MAP2K5: variants seen among roughly 807,000 people sequenced by gnomAD.
The protein encoded by MAP2K5 is mitogen-activated protein kinase kinase 5.
Under a neutral mutation model 83.1 loss-of-function variants are expected in MAP2K5, and 49 were observed. The observed-to-expected ratio is 0.59, with a 90% CI of 0.47 to 0.75. The LOEUF (loss-of-function observed/expected upper bound fraction) is 0.75. Among genes scored for constraint, MAP2K5 ranks in the 30% least tolerant of loss-of-function variants. The pLI is 0.00. For synonymous variants in MAP2K5, 202 were observed against 191.8 expected, an observed-to-expected ratio of 1.05 and a Z score of -0.44; for missense variants, 457 against 557.5, an observed-to-expected ratio of 0.82 and a Z score of 1.82.
chr15:67,608,537 G>C (rs1467823981), intron 8 of MAP2K5, among the ~76,000 whole-genome samples: 7 of 152,158 alleles, frequency 4.6e-5, no homozygotes, highest in Non-Finnish European at 8.8e-5. Flanking sequence ...GCACAGATCT[G>C]GGGGGCTGAG....
At position 67,747,930 on chromosome 15, in the gene MAP2K5, A is replaced by G. The variant is rs1173394270; in HGVS notation, c.1075-301A>G. ...AGCCCAGTGTTCACAATCTAGCAAT[A>G]TAAAACATTATTTATATCTGAATCG... On this transcript the variant is annotated intron_variant, in intron 17 of 21. Transcript: ENST00000178640. The surrounding 1 kb of genome is among the most constrained non-coding windows in gnomAD (Gnocchi z 4.1). 2.6e-5 allele frequency among the ~76,000 whole-genome samples: 4 copies of G among 152,250 alleles called. No homozygotes were observed.
At chr15:67,729,255 A>G (rs1358509881) in intron 17 of MAP2K5, among the ~76,000 whole-genome samples, 2 of 152,192 alleles carry the variant, frequency 1.3e-5, no homozygotes, top group African/African-American at 4.8e-5. Flanking sequence ...TTCTGTCAGT[A>G]ATTTCTAAAC....
chr15:67,774,605 T>C lies in MAP2K5; in HGVS notation c.1242+1853T>C, dbSNP rs1378091574. Among the ~76,000 whole-genome samples, 2 of 152,230 alleles carry C rather than the reference T, an allele frequency of 1.3e-5. No individual in the cohort carries two copies. Among genetic ancestry groups the C allele is most frequent in the African/African-American group, 2.4e-5 (1 of 41,450 alleles). The stretch of plus-strand genomic sequence containing the variant: ...TAAGCCACATCCTAGGGGCCCAATC[T>C]AAAGGAACCAGCCTCTTTATTCCTT... On this transcript the variant is annotated intron_variant, in intron 21 of 21. Transcript: ENST00000178640. This position sits in a 1 kb window ranked among gnomAD's most constrained non-coding sequence, Gnocchi z 4.9.
At chr15:67,625,996 T>C (rs1390261716) in intron 8 of MAP2K5, among the ~76,000 whole-genome samples, 1 of 152,218 alleles carries the variant, frequency 6.6e-6, no homozygotes, top group South Asian at 2.1e-4. Flanking sequence ...GTCCAGGTGT[T>C]GCTTATTCGA....
chr15:67,616,439 C>T (rs1247419612), intron 8 of MAP2K5, among the ~76,000 whole-genome samples: 1 of 152,138 alleles, frequency 6.6e-6, no homozygotes, highest in Non-Finnish European at 1.5e-5. Context: ...AGAGAGCTTT[C>T]TTTTCCTTTG....
intron 13 of MAP2K5, among the ~76,000 whole-genome samples, chr15:67,684,199 G>A (rs2087890985): frequency 6.6e-6 from 1 of 152,172 alleles, no homozygotes. Flanking sequence ...ACCAACTACT[G>A]TTTAGAAAAG....
chr15:67,705,274 A>G (rs2088521643), intron 16 of MAP2K5, among the ~76,000 whole-genome samples: 1 of 152,216 alleles, frequency 6.6e-6, no homozygotes, highest in African/African-American at 2.4e-5. Context: ...AACTCCTGCT[A>G]TGCCTGCTGT....
Position 67,644,274 on chromosome 15 carries a change from A to G in MAP2K5, c.586-1957A>G, listed in dbSNP as rs2086782230. Among the ~76,000 whole-genome samples, 1 of 152,088 alleles carries G rather than the reference A, an allele frequency of 6.6e-6. No individual in the cohort carries two copies. ...CCGGGTGTGGTGGCAGGTGCCTGTA[A>G]TCCCAGCTACTTGGGAGGCTGAGGC... On this transcript the variant is annotated intron_variant, in intron 9 of 21. Transcript: ENST00000178640. This position sits in a 1 kb window ranked among gnomAD's most constrained non-coding sequence, Gnocchi z 4.6.
intron 16 of MAP2K5, among the ~76,000 whole-genome samples, chr15:67,709,384 T>C (rs1055351732): frequency 1.3e-5 from 2 of 152,108 alleles, no homozygotes; most frequent in African/African-American, 4.8e-5. Flanking sequence ...CCCTGGAATA[T>C]TTGTTTACCT....
At chr15:67,609,753 G>T (rs568363000) in intron 8 of MAP2K5, among the ~76,000 whole-genome samples, 2 of 151,926 alleles carry the variant, frequency 1.3e-5, no homozygotes, top group African/African-American at 4.8e-5. Context: ...GAGGTGCTCA[G>T]GAAGACCTAT....
At chr15:67,800,186 A>G (rs1458470320) in intron 21 of MAP2K5, among the ~76,000 whole-genome samples, 1 of 152,232 alleles carries the variant, frequency 6.6e-6, no homozygotes, top group Non-Finnish European at 1.5e-5. Context: ...CCTCCCATAA[A>G]TTATTTAACG....
chr15:67,735,915 C>T (rs1380952112), intron 17 of MAP2K5, among the ~76,000 whole-genome samples: 1 of 152,096 alleles, frequency 6.6e-6, no homozygotes, highest in African/African-American at 2.4e-5. Flanking sequence ...TACTTCTCTC[C>T]CTTTGCAAGA....
At chr15:67,642,950 T>A (rs1409950899) in intron 9 of MAP2K5, among the ~76,000 whole-genome samples, 2 of 152,210 alleles carry the variant, frequency 1.3e-5, no homozygotes, top group Non-Finnish European at 2.9e-5. Flanking sequence ...TCATATATCT[T>A]AGCACTGAAT....
intron 5 of MAP2K5, among the ~76,000 whole-genome samples, chr15:67,586,303 CAT>C (rs942257806): frequency 3.3e-5 from 5 of 152,188 alleles, no homozygotes; most frequent in African/African-American, 1.2e-4. Flanking sequence ...ATGCTAGAAA[CAT>C]ATATCTAGTT....
intron 19 of MAP2K5, among the ~76,000 whole-genome samples, chr15:67,767,471 C>A (rs1241249211): frequency 6.6e-6 from 1 of 151,996 alleles, no homozygotes; most frequent in Non-Finnish European, 1.5e-5. Flanking sequence ...ACTACACCCT[C>A]AAAAAAAATC....
intron 4 of MAP2K5, among the ~76,000 whole-genome samples, chr15:67,584,672 CTT>C (rs36111747): frequency 3.8e-5 from 4 of 106,076 alleles, no homozygotes; most frequent in Admixed American, 1.1e-4. Flanking sequence ...ATATCTTCTC[CTT>C]TTTTTTTTTT....
At position 67,708,574 on chromosome 15, in the gene MAP2K5, C is replaced by T. The variant is rs933112322; in HGVS notation, c.1044+5166C>T. The stretch of plus-strand genomic sequence containing the variant: ...GAATTCCTGGGGTCAAGTGATCCTC[C>T]TGCCTCAGCCTCTTGAGTAGCTAGG... On this transcript the variant is annotated intron_variant, in intron 16 of 21. Coordinates refer to ENST00000178640, the MANE Select transcript of MAP2K5 (RefSeq NM_145160.3). The surrounding 1 kb of genome is among the most constrained non-coding windows in gnomAD (Gnocchi z 4.9). Among the ~76,000 whole-genome samples, 1 of 152,108 alleles carries T rather than the reference C, an allele frequency of 6.6e-6. No individual in the cohort carries two copies. The highest frequency in any genetic ancestry group is 2.4e-5 in the African/African-American group (1 of 41,416).
intron 19 of MAP2K5, among the ~76,000 whole-genome samples, chr15:67,761,501 A>T (rs916759827): frequency 3.3e-5 from 5 of 152,184 alleles, no homozygotes; most frequent in Non-Finnish European, 7.4e-5. Context: ...TTCCCCCCTT[A>T]TCTGTAGCTG....
rs114653911 is a variant in MAP2K5 at position 67,741,582 on chromosome 15, G to T, written c.1075-6649G>T. Among the ~76,000 whole-genome samples the T allele has an allele frequency of 8.4e-3, 1,282 of 152,142 alleles. 13 individuals carry two copies. The highest frequency in any genetic ancestry group is 0.029 in the African/African-American group (1,224 of 41,512). On this transcript the variant is annotated intron_variant, in intron 17 of 21. Transcript: ENST00000178640. ...GATTTAGATGTTGCTGACTAATGTA[G>T]GTCTGAACCACCTACCATACCCTAG...
Sources: gnomAD v4.1 joint callset for allele counts (sites outside exome capture counted in the v4.1 genomes callset) on GRCh38, gnomAD v4.1.1 for gene constraint, Gnocchi (gnomAD v3.1) non-coding constraint, MANE v1.5 for transcripts, NCBI Gene and HGNC (gene_info 2026-07-23, HGNC 2026-07-21) for gene names.